TRMT6: variants seen among roughly 807,000 people sequenced by gnomAD.
TRMT6 encodes the protein tRNA (adenine(58)-N(1))-methyltransferase non-catalytic subunit TRM6.
In TRMT6, 34 loss-of-function variants were observed where a neutral mutation model predicts 59.0. That is an observed-to-expected ratio of 0.58 (90% CI 0.44 to 0.77). TRMT6 has a LOEUF of 0.77. Ranked by LOEUF, TRMT6 falls within the 30% of genes least tolerant of loss-of-function variation. The pLI, the probability that TRMT6 is intolerant of heterozygous loss-of-function variation, is 0.00. For missense variants in TRMT6, 575 were observed against 604.5 expected, an observed-to-expected ratio of 0.95 and a Z score of 0.51; for synonymous variants, 217 against 210.5, an observed-to-expected ratio of 1.03 and a Z score of -0.27.
chr20:5,938,336 C>A lies in TRMT6; in HGVS notation c.*199G>T, dbSNP rs1236285730. On this transcript the variant is annotated 3_prime_UTR_variant, in exon 11 of 11. Coordinates refer to ENST00000203001, the MANE Select transcript of TRMT6 (RefSeq NM_015939.5). ...AAATGCAGTTGGTCATACTACATAC[C>A]CCATGGTTGCAGTTTTGACAGACCA... 13 of 543,038 alleles carry A rather than the reference C, an allele frequency of 2.4e-5. No homozygotes were observed. In the East Asian group the frequency reaches 3.7e-4, roughly 15 times the overall value. The allele number at this position is 543,038 out of a possible 1,614,324, so 33.6% of individuals were successfully genotyped here. A position where few individuals can be genotyped will look rare whatever the true frequency, so the allele number is the denominator to read the frequency against.
Position 5,942,433 on chromosome 20 carries a change from C to G in TRMT6, c.1021G>C (p.Asp341His). 1 of 1,613,694 alleles carries G rather than the reference C, an allele frequency of 6.2e-7. No individual in the cohort carries two copies. Among genetic ancestry groups the G allele is most frequent in the Non-Finnish European group, 8.5e-7 (1 of 1,179,788 alleles). Reference sequence around the variant, plus strand: ...GGGACTCTTGGCATCCTTACATAATCTTTTTTGCTTCCTCTCTCTTTAGGC... The same window carrying G: ...GGGACTCTTGGCATCCTTACATAATGTTTTTTGCTTCCTCTCTCTTTAGGC... ...KGPKERGSKK[D>H]YIQEKQRRQE... Residue 341 changes from aspartate (D) to histidine (H), a missense_variant, in exon 7 of 11, where the codon GAT becomes CAT. Asp to His is a moderately conservative substitution (Grantham distance 81, BLOSUM62 -1). Coordinates refer to ENST00000203001, the MANE Select transcript of TRMT6 (RefSeq NM_015939.5).
rs1344121554 is a variant in TRMT6, at chr20:5,942,481, A to C, written c.973T>G (p.Ser325Ala). The C allele has an allele frequency of 6.2e-7, 1 of 1,613,824 alleles. No homozygotes were observed. Among genetic ancestry groups the C allele is most frequent in the Non-Finnish European group, 8.5e-7 (1 of 1,179,960 alleles). ...PEDQETMETI[S>A]QDPEHKGPKE... ...GGCCCCTTATGTTCTGGATCTTGAG[A>C]AATTGTTTCCATTGTTTCCTGGTCT... The change falls in exon 7 of 11, where the codon TCT (serine) becomes GCT (alanine). Residue 325 changes from serine to alanine, a missense_variant. Physicochemically the swap from Ser to Ala is moderately conservative, Grantham distance 99 (BLOSUM62 1). Transcript: ENST00000203001.
chr20:5,946,148 T>G (rs1036110354), intron 2 of TRMT6, among the ~76,000 whole-genome samples: 7 of 152,206 alleles, frequency 4.6e-5, no homozygotes, highest in African/African-American at 1.7e-4. Context: ...GTTCTTGCAA[T>G]GACGCAGCAA....
rs969632159 is a variant in TRMT6, at chr20:5,942,499, C to T, written c.955G>A (p.Glu319Lys). The change falls in exon 7 of 11, where the codon GAA (glutamate) becomes AAA (lysine). Residue 319 changes from glutamate to lysine, a missense_variant. Glu to Lys is a moderately conservative substitution (Grantham distance 56). Transcript: ENST00000203001. ...TCTTGAGAAATTGTTTCCATTGTTT[C>T]CTGGTCTTCTGGGTGGTTGCTCTCT... Reference protein sequence around the residue: ...APESNHPEDQETMETISQDPE... With the variant: ...APESNHPEDQKTMETISQDPE... 1.2e-6 allele frequency: 2 copies of T among 1,613,974 alleles called. No individual in the cohort carries two copies.
At chr20:5,946,168 G>C (rs746145465) in intron 2 of TRMT6, among the ~76,000 whole-genome samples, 1 of 152,206 alleles carries the variant, frequency 6.6e-6, no homozygotes, top group Admixed American at 6.5e-5. Context: ...ACGACTCATA[G>C]GATTAAATGC....
intron 1 of TRMT6, among the ~76,000 whole-genome samples, chr20:5,946,946 T>G (rs533769564): frequency 1.6e-4 from 25 of 152,360 alleles, no homozygotes; most frequent in Non-Finnish European, 2.9e-4. Flanking sequence ...TCCTATGACA[T>G]AGATTTTTTA....
In TRMT6 at chr20:5,943,990, A is replaced by G. The variant is rs1359791121; in HGVS notation, c.500T>C (p.Ile167Thr). ...TCTTGCATAATACATAATTGAAAGAATACGGGTGGATGGCTTCACAACAGT... is the reference window on the plus strand; with the variant it reads ...TCTTGCATAATACATAATTGAAAGAGTACGGGTGGATGGCTTCACAACAGT... ...IITVVKPSTR[I>T]LSIMYYAREP... The change falls in exon 5 of 11, where the codon ATT becomes ACT. Residue 167 changes from isoleucine (I) to threonine (T), a missense_variant. Coordinates refer to ENST00000203001, the MANE Select transcript of TRMT6 (RefSeq NM_015939.5). 3.7e-6 allele frequency: 6 copies of G among 1,610,854 alleles called. No homozygotes were observed. The East Asian group carries it at 1.3e-4, about 36-fold the overall frequency.
In TRMT6 at chr20:5,942,837, C is replaced by T. The variant is rs551636140; in HGVS notation, c.668-51G>A. ...CTGCCCGTGGAGTGACTCTAGACTA[C>T]GTAAACCCTCAGTGAGTCCTCCACA... On this transcript the variant is annotated intron_variant, in intron 6 of 10. Coordinates refer to ENST00000203001, the MANE Select transcript of TRMT6 (RefSeq NM_015939.5). 50 of 1,415,928 alleles carry T rather than the reference C, an allele frequency of 3.5e-5. No homozygotes were observed. In the East Asian group the frequency reaches 4.6e-4, roughly 13 times the overall value. 87.7% of individuals were successfully genotyped at this position (1,415,928 alleles called of 1,614,324 possible). A position where few individuals can be genotyped will look rare whatever the true frequency, so the allele number is the denominator to read the frequency against.
At chr20:5,942,404 G>A in intron 7 of TRMT6, 24 bp downstream of exon 7, 1 of 1,587,584 alleles carries the variant, frequency 6.3e-7, no homozygotes, top group Non-Finnish European at 8.6e-7. Context: ...TTATGGGGGT[G>A]GTGGGGACTC....
At chr20:5,945,294 C>CA (rs1285805754) in intron 2 of TRMT6, among the ~76,000 whole-genome samples, 16 of 152,364 alleles carry the variant, frequency 1.1e-4, no homozygotes, top group South Asian at 8.3e-4. Flanking sequence ...GACACTTTAG[C>CA]TTCAGCCACA....
At chr20:5,942,149 A>G in intron 7 of TRMT6, 113 bp from the exon 8 acceptor site, 3 of 982,110 alleles carry the variant, frequency 3.1e-6, no homozygotes, top group Non-Finnish European at 4.7e-6. Context: ...GACTAAACCA[A>G]TAGAAGCAGG....
At chr20:5,943,882 TA>T in intron 5 of TRMT6, 65 bp downstream of exon 5, 4 of 1,566,524 alleles carry the variant, frequency 2.6e-6, no homozygotes, top group Non-Finnish European at 3.4e-6. Context: ...TCATTTTACT[TA>T]AAATCATGAC....
rs1280178316 is a variant in TRMT6, at chr20:5,942,806, A to T, written c.668-20T>A. ...CAAAACCTGAACAGATAAAAGAAAC[A>T]AACATCTGCCCGTGGAGTGACTCTA... On this transcript the variant is annotated intron_variant, in intron 6 of 10. Transcript: ENST00000203001. 3 of 1,588,864 alleles carry T rather than the reference A, an allele frequency of 1.9e-6. No homozygotes were observed. The highest frequency in any genetic ancestry group is 1.7e-6 in the Non-Finnish European group (2 of 1,162,096).
Position 5,942,124 on chromosome 20 carries a change from A to G in TRMT6, c.1027-88T>C, listed in dbSNP as rs367646580. ...TCTGGCCTGTCAAAACATTTCAACAATATTTATCAACTTGGACTAAACCAA... is the reference window on the plus strand; with the variant it reads ...TCTGGCCTGTCAAAACATTTCAACAGTATTTATCAACTTGGACTAAACCAA... On this transcript the variant is annotated intron_variant, in intron 7 of 10. Transcript: ENST00000203001. 14 of 1,197,942 alleles carry G rather than the reference A, an allele frequency of 1.2e-5. No individual in the cohort carries two copies. In the African/African-American group the frequency reaches 1.4e-4, roughly 12 times the overall value. The allele number at this position is 1,197,942 out of a possible 1,614,324, so 74.2% of individuals were successfully genotyped here. A position where few individuals can be genotyped will look rare whatever the true frequency, so the allele number is the denominator to read the frequency against.
chr20:5,948,312 G>A (rs1290670064), intron 1 of TRMT6, among the ~76,000 whole-genome samples: 1 of 152,164 alleles, frequency 6.6e-6, no homozygotes, highest in East Asian at 1.9e-4. Flanking sequence ...TCTTTACTGG[G>A]AAGGAGTAGG....
rs544349912 is a variant in TRMT6, at chr20:5,937,374, T to C, written c.*1161A>G. 6.6e-6 allele frequency: 1 copy of C among 152,360 alleles called. No individual in the cohort carries two copies. The highest frequency in any genetic ancestry group is 2.1e-4 in the South Asian group (1 of 4,824). The allele number at this position is 152,360 out of a possible 1,614,324, so 9.4% of individuals were successfully genotyped here. On this transcript the variant is annotated 3_prime_UTR_variant, in exon 11 of 11. Coordinates refer to ENST00000203001, the MANE Select transcript of TRMT6 (RefSeq NM_015939.5). ...TGCTGTATGATACAGGCCTATTCTA[T>C]GACAGGAGCAACGCAAACGATGACC...
chr20:5,949,119 G>A (rs1422882039), intron 1 of TRMT6, among the ~76,000 whole-genome samples: 2 of 151,810 alleles, frequency 1.3e-5, no homozygotes, highest in East Asian at 1.9e-4. Context: ...TTGGGAGGCC[G>A]AGGCGGGTGG....
In TRMT6 at chr20:5,937,676, A is replaced by G. The variant is rs1185397914; in HGVS notation, c.*859T>C. 2 of 152,216 alleles carry G rather than the reference A, an allele frequency of 1.3e-5. No homozygotes were observed. Among genetic ancestry groups the G allele is most frequent in the East Asian group, 3.8e-4 (2 of 5,200 alleles). The allele number at this position is 152,216 out of a possible 1,614,324, so 9.4% of individuals were successfully genotyped here. A position where few individuals can be genotyped will look rare whatever the true frequency, so the allele number is the denominator to read the frequency against. ...TAGACTGCACACTCTTTCTGTCCCC[A>G]TGTGTACATACATATTCATACAGGT... On this transcript the variant is annotated 3_prime_UTR_variant, in exon 11 of 11. Coordinates refer to ENST00000203001, the MANE Select transcript of TRMT6 (RefSeq NM_015939.5).
At chr20:5,939,434 T>A (rs925931733) in intron 10 of TRMT6, among the ~76,000 whole-genome samples, 15 of 143,184 alleles carry the variant, frequency 1.0e-4, no homozygotes, top group Non-Finnish European at 1.8e-4. Flanking sequence ...TGAGCCAAGA[T>A]CGCGCCACTG....
Sources: gnomAD v4.1 joint callset for allele counts (sites outside exome capture counted in the v4.1 genomes callset) on GRCh38, gnomAD v4.1.1 for gene constraint, MANE v1.5 for transcripts, NCBI Gene and HGNC (gene_info 2026-07-23, HGNC 2026-07-21) for gene names.